The following SNX18 variants were observed in gnomAD, a reference collection of about 807,000 sequenced individuals.
The protein encoded by SNX18 is sorting nexin 18.
In SNX18, 35 loss-of-function variants were observed where a neutral mutation model predicts 48.7. That is an observed-to-expected ratio of 0.72 (90% CI 0.55 to 0.95). The LOEUF (loss-of-function observed/expected upper bound fraction) is 0.95, where lower values mean the gene tolerates loss of function less well. SNX18 is among the 40% of genes least tolerant of loss of function. The pLI is 0.00. For missense variants in SNX18, 824 were observed against 871.0 expected (o/e 0.95, Z 0.68); for synonymous variants, 492 against 384.7 (o/e 1.28, Z -3.26).
chr5:54,601,901 C>T, the SNX18 span, among the ~76,000 whole-genome samples: 1 of 152,034 alleles, frequency 6.6e-6, no homozygotes, highest in East Asian at 1.9e-4. Flanking sequence ...AAAAAGGGCA[C>T]ATTAGAAACC....
the SNX18 span, among the ~76,000 whole-genome samples, chr5:54,571,804 C>A: frequency 6.6e-6 from 1 of 152,182 alleles, no homozygotes; most frequent in South Asian, 2.1e-4. Context: ...GGAGGTACTC[C>A]ATGAAGACTG....
At position 54,542,070 on chromosome 5, in the gene SNX18, G is replaced by A. The variant is rs371514623; in HGVS notation, c.1622-1109G>A. Among the ~76,000 whole-genome samples the A allele has an allele frequency of 2.0e-4, 30 of 152,216 alleles. No homozygotes were observed. The East Asian group carries it at 5.2e-3, about 27-fold the overall frequency. On this transcript the variant is annotated intron_variant, in intron 1 of 1. Coordinates refer to ENST00000381410, the MANE Select transcript of SNX18 (RefSeq NM_001102575.2). ...TCTCTGTGTTCTGTCTTGCCTTTCAGTATGGTTTAGTGGAATGAGTGCTAG... is the reference window on the plus strand; with the variant it reads ...TCTCTGTGTTCTGTCTTGCCTTTCAATATGGTTTAGTGGAATGAGTGCTAG...
At chr5:54,620,954 T>G in the SNX18 span, among the ~76,000 whole-genome samples, 1 of 152,188 alleles carries the variant, frequency 6.6e-6, no homozygotes, top group African/African-American at 2.4e-5. Flanking sequence ...AATTACCTCT[T>G]TAAAGGTCCT....
At chr5:54,588,030 G>A in the SNX18 span, among the ~76,000 whole-genome samples, 9 of 152,164 alleles carry the variant, frequency 5.9e-5, no homozygotes, top group South Asian at 8.3e-4. Context: ...GACAAGTTGC[G>A]GAAGAAGCCA....
the SNX18 span, among the ~76,000 whole-genome samples, chr5:54,588,889 T>C: frequency 6.6e-6 from 1 of 152,202 alleles, no homozygotes; most frequent in Non-Finnish European, 1.5e-5. Flanking sequence ...GAATTTTCTT[T>C]GAATAAGAAA....
rs1371835473 is a variant in SNX18, at chr5:54,519,078, C to T, written c.1126C>T (p.Gln376Ter). The part of the protein sequence containing the change: ...HPVLAQCDVF[Q>*]HFLTCPSSTD... ...AGTGCTGGCGCAGTGCGACGTCTTC[C>T]AGCACTTCCTGACGTGCCCCAGCAG... The change falls in exon 1 of 2, where the codon CAG (glutamine) becomes TAG (stop). Residue 376 changes from glutamine (Q) to a stop codon, truncating the protein, a stop_gained. Transcript: ENST00000381410. LOFTEE classifies it high-confidence loss of function. 1.2e-6 allele frequency: 2 copies of T among 1,613,974 alleles called. No homozygotes were observed. The highest frequency in any genetic ancestry group is 2.2e-5 in the East Asian group (1 of 44,850).
the SNX18 span, among the ~76,000 whole-genome samples, chr5:54,636,909 G>A: frequency 6.6e-6 from 1 of 152,150 alleles, no homozygotes; most frequent in African/African-American, 2.4e-5. Flanking sequence ...CAGTTTGCCT[G>A]TATTCTTTCT....
chr5:54,606,507 G>A, the SNX18 span, among the ~76,000 whole-genome samples: 1 of 152,256 alleles, frequency 6.6e-6, no homozygotes, highest in African/African-American at 2.4e-5. Context: ...GGGAGACCAG[G>A]TGGTTCACTG....
the SNX18 span, among the ~76,000 whole-genome samples, chr5:54,574,429 G>A: frequency 6.6e-6 from 1 of 152,296 alleles, no homozygotes; most frequent in East Asian, 1.9e-4. Flanking sequence ...GCTCCCAAAG[G>A]TAGGACCACT....
At chr5:54,625,378 G>T in the SNX18 span, among the ~76,000 whole-genome samples, 1 of 152,188 alleles carries the variant, frequency 6.6e-6, no homozygotes, top group East Asian at 1.9e-4. Context: ...CTAGAGGCAG[G>T]CAGATCTGCT....
At chr5:54,605,512 T>C in the SNX18 span, among the ~76,000 whole-genome samples, 1 of 152,234 alleles carries the variant, frequency 6.6e-6, no homozygotes, top group East Asian at 1.9e-4. Context: ...TGAACTTTTT[T>C]ACATAATTTT....
downstream of SNX18, among the ~76,000 whole-genome samples, chr5:54,549,421 T>G (rs914124385): frequency 9.9e-5 from 15 of 152,116 alleles, no homozygotes; most frequent in African/African-American, 3.4e-4. Flanking sequence ...CATTCCAGCT[T>G]CTTGTCTTGC....
the SNX18 span, among the ~76,000 whole-genome samples, chr5:54,584,938 C>T: frequency 6.6e-6 from 1 of 152,200 alleles, no homozygotes; most frequent in South Asian, 2.1e-4. Flanking sequence ...CGTATTTTAA[C>T]TATGTGGCCG....
At position 54,543,500 on chromosome 5, in the gene SNX18, G is replaced by A. The variant is rs1256690717; in HGVS notation, c.*68G>A. On this transcript the variant is annotated 3_prime_UTR_variant, in exon 2 of 2. Coordinates refer to ENST00000381410, the MANE Select transcript of SNX18 (RefSeq NM_001102575.2). ...TTTCTACAGCAGAATAAAAACTGCT[G>A]TCAAAGAGCTATTGCCAGCTATCAG... 1.5e-5 allele frequency: 24 copies of A among 1,556,834 alleles called. No homozygotes were observed. Among genetic ancestry groups the A allele is most frequent in the African/African-American group, 1.4e-4 (10 of 73,338 alleles).
the SNX18 span, chr5:54,644,504 CT>C: frequency 1.3e-5 from 2 of 152,228 alleles, no homozygotes; most frequent in Non-Finnish European, 2.9e-5. Flanking sequence ...TTCATTCCCC[CT>C]CTTCCTAAGA....
the SNX18 span, among the ~76,000 whole-genome samples, chr5:54,587,983 T>C: frequency 6.6e-6 from 1 of 152,170 alleles, no homozygotes; most frequent in Non-Finnish European, 1.5e-5. Context: ...GAGGAAGGTG[T>C]ACACCCCTTT....
At chr5:54,564,928 G>A in the SNX18 span, among the ~76,000 whole-genome samples, 2 of 152,202 alleles carry the variant, frequency 1.3e-5, no homozygotes, top group African/African-American at 4.8e-5. Flanking sequence ...TCATGTGGGA[G>A]GGTCTAGGGT....
chr5:54,599,122 C>G, the SNX18 span, among the ~76,000 whole-genome samples: 1 of 152,130 alleles, frequency 6.6e-6, no homozygotes, highest in Non-Finnish European at 1.5e-5. Context: ...GAGTGAACTC[C>G]CATTCACAGT....
the SNX18 span, among the ~76,000 whole-genome samples, chr5:54,556,291 CT>C: frequency 6.6e-6 from 1 of 152,172 alleles, no homozygotes; most frequent in Non-Finnish European, 1.5e-5. Context: ...CCAAAAGAGA[CT>C]TCTGAGCTAA....
Sources: allele counts gnomAD v4.1 joint callset (sites outside exome capture counted in the v4.1 genomes callset), GRCh38; gene constraint gnomAD v4.1.1; transcripts MANE v1.5; gene names NCBI Gene and HGNC (gene_info 2026-07-23, HGNC 2026-07-21).